PTGR2: variants seen among roughly 807,000 people sequenced by gnomAD.
The protein encoded by PTGR2 is prostaglandin reductase 2.
PTGR2 carries 32 observed loss-of-function variants against 43.4 expected under a neutral mutation model. That is an observed-to-expected ratio of 0.74 (90% confidence interval 0.56 to 0.99). The LOEUF is 0.99. Ranked by LOEUF, PTGR2 falls within the 50% of genes least tolerant of loss-of-function variation. The probability of loss-of-function intolerance (pLI) is 0.00; values close to 1 mark genes in which losing one functional copy is unlikely to be tolerated. For missense variants in PTGR2, 373 were observed against 420.0 expected (o/e 0.89, Z 0.98); for synonymous variants, 106 against 139.2 (o/e 0.76, Z 1.68).
In PTGR2 at chr14:73,865,364, G is replaced by A. The variant is rs148887866; in HGVS notation, c.156+4707G>A. 9.9e-4 allele frequency among the ~76,000 whole-genome samples: 150 copies of A among 152,270 alleles called. 1 individual carries two copies. In the Middle Eastern group the frequency reaches 0.01, roughly 10 times the overall value. Reference sequence around the variant, plus strand: ...GGTGTCCTGCTTTGCAGGAGAGAGAGAGAATTTGTCCTTCACCTGCTTTTT... The same window carrying A: ...GGTGTCCTGCTTTGCAGGAGAGAGAAAGAATTTGTCCTTCACCTGCTTTTT... On this transcript the variant is annotated intron_variant, in intron 3 of 9. Transcript: ENST00000555661.
rs775406059 is a variant in PTGR2 at position 73,877,078 on chromosome 14, G to A, written c.429G>A (p.Gly143=). ...TGCCTGGTTTGACTTCCTTGATTGGGATACAGGAAAAAGGTCATATAACTG... is the reference window on the plus strand; with the variant it reads ...TGCCTGGTTTGACTTCCTTGATTGGAATACAGGAAAAAGGTCATATAACTG... ...IGMPGLTSLI[G]IQEKGHITAG... is the part of the protein sequence containing the mutation. Residue 143 remains glycine, a synonymous_variant, in exon 5 of 10, where the codon GGG becomes GGA. Transcript: ENST00000555661. 3.7e-6 allele frequency: 6 copies of A among 1,613,620 alleles called. No individual in the cohort carries two copies. Among genetic ancestry groups the A allele is most frequent in the South Asian group, 1.1e-5 (1 of 91,058 alleles).
intron 3 of PTGR2, among the ~76,000 whole-genome samples, chr14:73,865,985 G>A (rs2054588698): frequency 6.6e-6 from 1 of 151,770 alleles, no homozygotes; most frequent in Admixed American, 6.6e-5. Flanking sequence ...ATGAGCAAGT[G>A]TGAGTCTTCC....
chr14:73,883,156 C>CCCCTTCCCTG (rs1055126948), intron 9 of PTGR2, among the ~76,000 whole-genome samples: 2 of 146,714 alleles, frequency 1.4e-5, no homozygotes, highest in Non-Finnish European at 1.5e-5. Flanking sequence ...TCTCTGGCCT[C>CCCCTTCCCTG]CCCTTCCCTG....
intron 3 of PTGR2, chr14:73,861,313 C>G (rs1430860215): frequency 6.6e-6 from 1 of 152,210 alleles, no homozygotes; most frequent in Non-Finnish European, 1.5e-5. Context: ...AGCCATTAGG[C>G]ACAGGGACTT....
intron 9 of PTGR2, among the ~76,000 whole-genome samples, chr14:73,882,835 T>G (rs1313264823): frequency 6.4e-5 from 5 of 78,120 alleles, no homozygotes; most frequent in Non-Finnish European, 1.2e-4. Flanking sequence ...TTTTTTTTTT[T>G]TTTGAGACGG....
intron 1 of PTGR2, among the ~76,000 whole-genome samples, chr14:73,856,246 T>C: frequency 6.6e-6 from 1 of 151,908 alleles, no homozygotes; most frequent in Non-Finnish European, 1.5e-5. Flanking sequence ...TTAAAATCTT[T>C]TTTGTTGTTG....
intron 3 of PTGR2, among the ~76,000 whole-genome samples, chr14:73,872,847 C>T (rs1226114714): frequency 6.6e-6 from 1 of 151,508 alleles, no homozygotes; most frequent in Non-Finnish European, 1.5e-5. Context: ...TGTGGTGGTG[C>T]GTGCCTGTAG....
At chr14:73,874,260 C>A in intron 4 of PTGR2, 46 bp downstream of exon 4, 1 of 1,388,932 alleles carries the variant, frequency 7.2e-7, no homozygotes, top group South Asian at 1.3e-5. Flanking sequence ...CCGTATAATT[C>A]TTACTTTGTG....
intron 4 of PTGR2, among the ~76,000 whole-genome samples, chr14:73,876,252 C>T (rs1236147413): frequency 1.3e-5 from 2 of 152,170 alleles, no homozygotes; most frequent in African/African-American, 4.8e-5. Flanking sequence ...TACTGATGGA[C>T]TGCCATAACA....
intron 3 of PTGR2, among the ~76,000 whole-genome samples, chr14:73,871,341 C>CTTTTTTTTTTTT (rs869073652): frequency 5.9e-5 from 4 of 67,874 alleles, no homozygotes; most frequent in Admixed American, 1.8e-4. Context: ...GGCTGTTCAT[C>CTTTTTTTTTTTT]TTTTTTTTTT....
chr14:73,867,936 A>G (rs2054639722), intron 3 of PTGR2, among the ~76,000 whole-genome samples: 1 of 152,194 alleles, frequency 6.6e-6, no homozygotes, highest in African/African-American at 2.4e-5. Context: ...AAGTGGTTTA[A>G]TGGCTTCCCA....
At chr14:73,868,297 A>G (rs2140252434) in intron 3 of PTGR2, among the ~76,000 whole-genome samples, 1 of 152,160 alleles carries the variant, frequency 6.6e-6, no homozygotes, top group Non-Finnish European at 1.5e-5. Flanking sequence ...TCAAAAAAAA[A>G]AAGAAGCTAC....
intron 3 of PTGR2, among the ~76,000 whole-genome samples, chr14:73,864,478 G>A (rs1227813303): frequency 6.6e-6 from 1 of 152,146 alleles, no homozygotes. Flanking sequence ...TTTGGTTATA[G>A]CCATTCTAGT....
intron 4 of PTGR2, 147 bp downstream of exon 4, chr14:73,874,361 C>G: frequency 1.5e-6 from 1 of 653,416 alleles, no homozygotes; most frequent in Non-Finnish European, 2.6e-6. Context: ...AGCCTTTGTT[C>G]CTTTTCCACT....
intron 1 of PTGR2, among the ~76,000 whole-genome samples, chr14:73,856,099 TTAA>T (rs898664158): frequency 1.2e-4 from 18 of 151,736 alleles, no homozygotes; most frequent in African/African-American, 3.9e-4. Context: ...GTGCATAGTG[TTAA>T]TAAAGTCTAA....
At chr14:73,883,360 C>CT (rs111478120) in intron 9 of PTGR2, among the ~76,000 whole-genome samples, 101 of 142,096 alleles carry the variant, frequency 7.1e-4, no homozygotes, top group Middle Eastern at 3.5e-3. Flanking sequence ...TATGCCCAAC[C>CT]TTTTTTTTTT....
chr14:73,862,891 A>G (rs2054526289), intron 3 of PTGR2, among the ~76,000 whole-genome samples: 1 of 151,886 alleles, frequency 6.6e-6, no homozygotes, highest in African/African-American at 2.4e-5. Flanking sequence ...TGTTTTTTGT[A>G]GAGATGGGGT....
rs768881653 is a variant in PTGR2 at position 73,860,583 on chromosome 14, G to A, written c.82G>A (p.Val28Ile). Reference sequence around the variant, plus strand: ...GGCAGAGAATTTCCGAATGGAAGAAGTCTATTTACCAGATAATATTAATGA... The same window carrying A: ...GGCAGAGAATTTCCGAATGGAAGAAATCTATTTACCAGATAATATTAATGA... ...PVAENFRMEE[V>I]YLPDNINEGQ... Residue 28 changes from valine (V) to isoleucine (I), a missense_variant, in exon 3 of 10, where the codon GTC becomes ATC. By Grantham distance (29) the Val-to-Ile change is conservative (BLOSUM62 3). Coordinates refer to ENST00000555661, the MANE Select transcript of PTGR2 (RefSeq NM_001146154.2). 1.9e-6 allele frequency: 3 copies of A among 1,582,898 alleles called. No homozygotes were observed. Among genetic ancestry groups the A allele is most frequent in the African/African-American group, 1.4e-5 (1 of 73,796 alleles).
chr14:73,869,507 G>A (rs2054675355), intron 3 of PTGR2, among the ~76,000 whole-genome samples: 1 of 150,680 alleles, frequency 6.6e-6, no homozygotes, highest in South Asian at 2.1e-4. Context: ...CCAGGAGGTC[G>A]AAGCTGTAGT....
Sources: gnomAD v4.1 joint callset for allele counts (sites outside exome capture counted in the v4.1 genomes callset) on GRCh38, gnomAD v4.1.1 for gene constraint, MANE v1.5 for transcripts, NCBI Gene and HGNC (gene_info 2026-07-23, HGNC 2026-07-21) for gene names.